PCDHA12: variants seen among roughly 807,000 people sequenced by gnomAD.
The protein encoded by PCDHA12 is protocadherin alpha-12.
PCDHA12 carries 44 observed loss-of-function variants against 60.0 expected under a neutral mutation model. The observed-to-expected ratio is 0.73, with a 90% confidence interval of 0.58 to 0.94. The LOEUF (loss-of-function observed/expected upper bound fraction) is 0.94. PCDHA12 is among the 40% of genes least tolerant of loss of function. The pLI is 0.00. For missense variants in PCDHA12, 1,276 were observed against 1,239.7 expected (o/e 1.03, Z -0.44); for synonymous variants, 569 against 553.0 (o/e 1.03, Z -0.40).
intron 3 of PCDHA12, among the ~76,000 whole-genome samples, chr5:141,009,142 G>T (rs1374390797): frequency 2.0e-5 from 3 of 152,204 alleles, no homozygotes; most frequent in Non-Finnish European, 4.4e-5. Context: ...GAAAAAACCT[G>T]CCCTCTTGCT....
chr5:140,916,028 C>T (rs1554197245), intron 1 of PCDHA12, among the ~76,000 whole-genome samples: 1 of 152,152 alleles, frequency 6.6e-6, no homozygotes, highest in African/African-American at 2.4e-5. Flanking sequence ...TCCCATTCTT[C>T]CCTCCCCTTT....
At chr5:140,969,363 C>G (rs367871893) in intron 1 of PCDHA12, 4 of 1,610,614 alleles carry the variant, frequency 2.5e-6, no homozygotes, top group East Asian at 4.5e-5. Flanking sequence ...CTTCTACAAA[C>G]TCATGCATTT....
At chr5:140,945,366 T>A (rs1367581632) in intron 1 of PCDHA12, among the ~76,000 whole-genome samples, 6 of 152,036 alleles carry the variant, frequency 3.9e-5, no homozygotes, top group Non-Finnish European at 8.8e-5. Context: ...GTTTAAAATG[T>A]CCATATTACC....
At chr5:140,946,092 G>T (rs985293430) in intron 1 of PCDHA12, among the ~76,000 whole-genome samples, 1 of 151,914 alleles carries the variant, frequency 6.6e-6, no homozygotes, top group Non-Finnish European at 1.5e-5. Context: ...CTGATAAGGA[G>T]TTAACATACC....
chr5:140,913,384 C>G (rs1018271300), intron 1 of PCDHA12, among the ~76,000 whole-genome samples: 1 of 152,144 alleles, frequency 6.6e-6, no homozygotes, highest in Non-Finnish European at 1.5e-5. Flanking sequence ...AGTGGCTCAT[C>G]ATAGCCACTA....
chr5:140,910,274 G>A (rs1185029668), intron 1 of PCDHA12, among the ~76,000 whole-genome samples: 1 of 152,030 alleles, frequency 6.6e-6, no homozygotes, highest in Non-Finnish European at 1.5e-5. Flanking sequence ...TCACTTCTAG[G>A]AACACCATGA....
intron 3 of PCDHA12, among the ~76,000 whole-genome samples, chr5:140,996,546 T>C (rs1179221123): frequency 6.6e-6 from 1 of 152,224 alleles, no homozygotes; most frequent in Admixed American, 6.5e-5. Flanking sequence ...GATATTATGC[T>C]GTCACTATCT....
At chr5:140,965,561 A>T (rs2095912417) in intron 1 of PCDHA12, among the ~76,000 whole-genome samples, 1 of 152,114 alleles carries the variant, frequency 6.6e-6, no homozygotes, top group Admixed American at 6.5e-5. Context: ...TTAGGAGATC[A>T]ACAGTAACGC....
At chr5:140,921,213 G>C (rs759293646) in intron 1 of PCDHA12, among the ~76,000 whole-genome samples, 2 of 151,378 alleles carry the variant, frequency 1.3e-5, no homozygotes, top group African/African-American at 2.4e-5. Flanking sequence ...GATAATTCAC[G>C]TCTTTTTTGC....
At chr5:140,910,482 C>T (rs1439012617) in intron 1 of PCDHA12, among the ~76,000 whole-genome samples, 3 of 152,178 alleles carry the variant, frequency 2.0e-5, no homozygotes, top group African/African-American at 7.2e-5. Flanking sequence ...ATCTGGCATA[C>T]AGAGAAGAGC....
intron 1 of PCDHA12, chr5:140,884,448 CCACCGAGGGCGCGTGCGCGCCGGG>C (rs1244657512): frequency 1.9e-6 from 3 of 1,613,716 alleles, no homozygotes; most frequent in Non-Finnish European, 2.5e-6. Context: ...TCGGCACCGC[CCACCGAGGGCGCGTGCGCGCCGGG>C]CAAGCCCACT....
At chr5:141,005,548 A>G (rs970223535) in intron 3 of PCDHA12, among the ~76,000 whole-genome samples, 2 of 151,322 alleles carry the variant, frequency 1.3e-5, no homozygotes, top group African/African-American at 4.9e-5. Flanking sequence ...CTAAAAATAC[A>G]AAAATTAGCC....
chr5:140,893,866 C>T (rs915926825), intron 1 of PCDHA12, among the ~76,000 whole-genome samples: 5 of 152,102 alleles, frequency 3.3e-5, no homozygotes, highest in African/African-American at 1.2e-4. Context: ...TAGAAACAAC[C>T]CAGATCCAAA....
chr5:141,007,394 A>G (rs2098323051), intron 3 of PCDHA12, among the ~76,000 whole-genome samples: 16 of 86,170 alleles, frequency 1.9e-4, no homozygotes, highest in Non-Finnish European at 3.5e-4. Context: ...CTACTAAAAT[A>G]CAAAAAAAAA....
chr5:140,944,472 G>C (rs1554216383), intron 1 of PCDHA12, among the ~76,000 whole-genome samples: 2 of 152,220 alleles, frequency 1.3e-5, no homozygotes, highest in Non-Finnish European at 2.9e-5. Context: ...CAGGTATGAG[G>C]CACTGGACTG....
chr5:140,887,711 T>C (rs1486449046), intron 1 of PCDHA12, among the ~76,000 whole-genome samples: 1 of 152,198 alleles, frequency 6.6e-6, no homozygotes, highest in African/African-American at 2.4e-5. Context: ...ATACTTCTTC[T>C]AATAGTTTTT....
chr5:140,875,485 G>A lies in PCDHA12; in HGVS notation c.13G>A (p.Gly5Arg), dbSNP rs367652529. Residue 5 changes from glycine (G) to arginine (R), a missense_variant, in exon 1 of 4, where the codon GGA becomes AGA. Transcript: ENST00000398631. MVII[G>R]PRGPGSQRLL... Reference sequence around the variant, plus strand: ...CTCATTTTCTGCAATGGTGATTATCGGACCAAGAGGCCCGGGATCCCAGCG... The same window carrying A: ...CTCATTTTCTGCAATGGTGATTATCAGACCAAGAGGCCCGGGATCCCAGCG... The A allele has an allele frequency of 8.1e-6, 13 of 1,611,424 alleles. No homozygotes were observed. Among genetic ancestry groups the A allele is most frequent in the African/African-American group, 1.3e-5 (1 of 74,772 alleles).
chr5:140,962,757 T>C (rs1554226219), intron 1 of PCDHA12, among the ~76,000 whole-genome samples: 1 of 152,240 alleles, frequency 6.6e-6, no homozygotes, highest in Non-Finnish European at 1.5e-5. Context: ...GGAATCCTAT[T>C]CGTTTTTAAC....
intron 1 of PCDHA12, among the ~76,000 whole-genome samples, chr5:140,931,598 A>G (rs2087630191): frequency 6.6e-6 from 1 of 152,200 alleles, no homozygotes; most frequent in African/African-American, 2.4e-5. Context: ...GTCTTTTTCC[A>G]TCATTGTTGA....
Sources: allele counts gnomAD v4.1 joint callset (sites outside exome capture counted in the v4.1 genomes callset), GRCh38; gene constraint gnomAD v4.1.1; transcripts MANE v1.5; gene names NCBI Gene and HGNC (gene_info 2026-07-23, HGNC 2026-07-21).